CDHR3: variants seen among roughly 807,000 people sequenced by gnomAD.
CDHR3 encodes cadherin related family member 3.
CDHR3 carries 79 observed loss-of-function variants against 86.6 expected under a neutral mutation model. The ratio of observed to expected loss-of-function variants is 0.91; its 90% CI spans 0.76 to 1.10. The LOEUF (loss-of-function observed/expected upper bound fraction) is 1.10. CDHR3 is among the 50% of genes least tolerant of loss of function. The probability of loss-of-function intolerance (pLI) is 0.00; values close to 1 mark genes in which losing one functional copy is unlikely to be tolerated. For synonymous variants in CDHR3, 421 were observed against 402.4 expected (o/e 1.05, Z -0.55); for missense variants, 1,081 against 1,077.6 (o/e 1.00, Z -0.04).
chr7:106,027,073 T>G (rs1033495651), intron 16 of CDHR3, among the ~76,000 whole-genome samples: 1 of 152,152 alleles, frequency 6.6e-6, no homozygotes, highest in African/African-American at 2.4e-5. Flanking sequence ...GGACAGCTAA[T>G]GCTTTGTGCT....
At chr7:105,978,422 CCTA>C (rs2115661101) in intron 2 of CDHR3, among the ~76,000 whole-genome samples, 1 of 152,300 alleles carries the variant, frequency 6.6e-6, no homozygotes, top group South Asian at 2.1e-4. Context: ...AGCACTGTGG[CCTA>C]CAAATGTGCT....
chr7:105,982,670 C>T (rs140619388), intron 3 of CDHR3, among the ~76,000 whole-genome samples: 2,303 of 151,846 alleles, frequency 0.015, 59 homozygotes, highest in African/African-American at 0.053. Flanking sequence ...TGCCTCCCCT[C>T]CTATCTCCTG....
chr7:106,006,233 T>C (rs1302631930), intron 8 of CDHR3, among the ~76,000 whole-genome samples: 1 of 152,090 alleles, frequency 6.6e-6, no homozygotes, highest in Non-Finnish European at 1.5e-5. Context: ...TCCCACAACA[T>C]GTAGGAATTC....
intron 15 of CDHR3, 140 bp downstream of exon 15, chr7:106,024,702 CG>C: frequency 1.2e-6 from 1 of 830,240 alleles, no homozygotes; most frequent in East Asian, 2.7e-5. Context: ...AAAGGAGATA[CG>C]GGGGAAGGAA....
intron 7 of CDHR3, 133 bp from the exon 8 acceptor site, chr7:106,004,365 T>C (rs1766279847): frequency 2.8e-6 from 2 of 704,536 alleles, no homozygotes; most frequent in Non-Finnish European, 2.4e-6. Context: ...TTTTCAAAAA[T>C]GTATTTGTAT....
At chr7:106,005,375 C>T (rs1833807325) in intron 8 of CDHR3, among the ~76,000 whole-genome samples, 1 of 152,188 alleles carries the variant, frequency 6.6e-6, no homozygotes, top group Admixed American at 6.5e-5. Flanking sequence ...TATTGTCTTT[C>T]TACTATTTTG....
At chr7:106,020,848 C>T (rs190371570) in intron 13 of CDHR3, among the ~76,000 whole-genome samples, 37 of 152,276 alleles carry the variant, frequency 2.4e-4, no homozygotes, top group Non-Finnish European at 4.0e-4. Flanking sequence ...CCCTATGCTT[C>T]CTGGCACTCC....
chr7:105,974,969 G>A lies in CDHR3; in HGVS notation c.172G>A (p.Gly58Arg), dbSNP rs767662046. 6.2e-7 allele frequency: 1 copy of A among 1,613,914 alleles called. No homozygotes were observed. The highest frequency in any genetic ancestry group is 8.5e-7 in the Non-Finnish European group (1 of 1,179,834). The change falls in exon 2 of 19, where the codon GGA becomes AGA. Residue 58 changes from glycine to arginine, a missense_variant. By Grantham distance (125) the Gly-to-Arg change is moderately radical. Coordinates refer to ENST00000317716, the MANE Select transcript of CDHR3 (RefSeq NM_152750.5). Reference sequence around the variant, plus strand: ...AGCATCATTGTCACCTGTGATCCCAGGATTTCCCCAGATAGTCAACTCAAA... The same window carrying A: ...AGCATCATTGTCACCTGTGATCCCAAGATTTCCCCAGATAGTCAACTCAAA... The part of the protein sequence containing the change: ...LSASLSPVIP[G>R]FPQIVNSNPL...
At chr7:105,992,949 C>A (rs989643608) in intron 4 of CDHR3, among the ~76,000 whole-genome samples, 2 of 152,138 alleles carry the variant, frequency 1.3e-5, no homozygotes, top group Non-Finnish European at 2.9e-5. Context: ...GGCTTAAAAA[C>A]GTTATATTGG....
At chr7:106,000,913 A>T (rs1833053239) in intron 6 of CDHR3, among the ~76,000 whole-genome samples, 1 of 130,378 alleles carries the variant, frequency 7.7e-6, no homozygotes, top group Non-Finnish European at 1.8e-5. Flanking sequence ...AAAAAAAAAA[A>T]AAAAGACAAG....
chr7:105,973,487 G>A (rs4304269), intron 1 of CDHR3, among the ~76,000 whole-genome samples: 38,924 of 151,838 alleles, frequency 0.26, 5,663 homozygotes, highest in East Asian at 0.67. Flanking sequence ...TAGCTTCTGC[G>A]TTTGCTTTCC....
intron 2 of CDHR3, among the ~76,000 whole-genome samples, chr7:105,980,607 ATT>A (rs35517726): frequency 0.43 from 42,194 of 98,062 alleles, 7,916 homozygotes; most frequent in South Asian, 0.6. Flanking sequence ...TTTTTTTTTA[ATT>A]TTTTTTTTTT....
intron 4 of CDHR3, among the ~76,000 whole-genome samples, chr7:105,986,161 C>G (rs184630514): frequency 2.0e-5 from 3 of 152,308 alleles, no homozygotes; most frequent in African/African-American, 4.8e-5. Flanking sequence ...AACAAAAACT[C>G]TCTTGGAAGC....
intron 16 of CDHR3, chr7:106,028,314 A>G (rs530211885): frequency 4.6e-5 from 25 of 541,336 alleles, no homozygotes; most frequent in African/African-American, 4.2e-4. Flanking sequence ...AAAAAGAATA[A>G]AAAACAACTA....
chr7:105,971,652 G>C (rs1375987609), intron 1 of CDHR3, among the ~76,000 whole-genome samples: 1 of 152,122 alleles, frequency 6.6e-6, no homozygotes, highest in Non-Finnish European at 1.5e-5. Flanking sequence ...AGCAAACCAG[G>C]AGCTATCAGC....
At chr7:106,024,977 A>C (rs1050847862) in intron 15 of CDHR3, among the ~76,000 whole-genome samples, 1 of 152,246 alleles carries the variant, frequency 6.6e-6, no homozygotes, top group Non-Finnish European at 1.5e-5. Context: ...TAAGGGAATT[A>C]AGCTTTTGTC....
At position 105,992,871 on chromosome 7, in the gene CDHR3, G is replaced by A. The variant is rs143755080; in HGVS notation, c.514-1880G>A. Among the ~76,000 whole-genome samples the A allele has an allele frequency of 3.7e-3, 570 of 152,208 alleles. 3 individuals are homozygous for A. Among genetic ancestry groups the A allele is most frequent in the African/African-American group, 0.013 (551 of 41,508 alleles). ...ATACTTTTCTGTCTTCCTCAGTTTT[G>A]TATAAAATATGGTCAATACAACTAG... On this transcript the variant is annotated intron_variant, in intron 4 of 18. Transcript: ENST00000317716.
intron 16 of CDHR3, chr7:106,027,600 C>T (rs1239095925): frequency 9.1e-6 from 4 of 441,780 alleles, no homozygotes; most frequent in South Asian, 4.9e-5. Context: ...CCTGGCTTGG[C>T]CTCAAGTAGA....
intron 12 of CDHR3, 144 bp from the exon 13 acceptor site, chr7:106,020,229 A>T: frequency 1.4e-6 from 1 of 697,704 alleles, no homozygotes; most frequent in Non-Finnish European, 2.4e-6. Flanking sequence ...TTCTCACCAT[A>T]AAATGGGAAT....
Sources: gnomAD v4.1 joint callset for allele counts (sites outside exome capture counted in the v4.1 genomes callset) on GRCh38, gnomAD v4.1.1 for gene constraint, MANE v1.5 for transcripts, NCBI Gene and HGNC (gene_info 2026-07-23, HGNC 2026-07-21) for gene names.